Variants in SMARCB1 observed in about 807,000 individuals in gnomAD.
SMARCB1 encodes SWI/SNF-related matrix-associated actin-dependent regulator of chromatin subfamily B member 1.
Under a neutral mutation model 49.0 loss-of-function variants are expected in SMARCB1, and 5 were observed. That is an observed-to-expected ratio of 0.10 (90% CI 0.05 to 0.21). SMARCB1 has a LOEUF of 0.21. SMARCB1 is among the 10% of genes least tolerant of loss of function. The pLI, the probability that SMARCB1 is intolerant of heterozygous loss-of-function variation, is 1.00. For synonymous variants in SMARCB1, 201 were observed against 200.1 expected (o/e 1.00, Z -0.04); for missense variants, 226 against 509.2 (o/e 0.44, Z 5.35).
At chr22:23,833,426 C>T in intron 7 of SMARCB1, 146 bp from the exon 8 acceptor site, 1 of 1,147,618 alleles carries the variant, frequency 8.7e-7, no homozygotes, top group Non-Finnish European at 1.3e-6. Context: ...CCAGCAGCTC[C>T]CTTGAGGTTC....
rs35487027 is a variant in SMARCB1, at chr22:23,795,378, G to C, written c.362+1690G>C. Among the ~76,000 whole-genome samples the C allele has an allele frequency of 8.9e-3, 1,350 of 152,172 alleles. 15 individuals are homozygous for C. The highest frequency in any genetic ancestry group is 0.03 in the African/African-American group (1,244 of 41,536). The stretch of plus-strand genomic sequence containing the variant: ...TCTTAAAAAAAATAAAAAACAGGCC[G>C]GGCACGGTGGCTCACGCCTGTAATC... On this transcript the variant is annotated intron_variant, in intron 3 of 8. Transcript: ENST00000644036.
intron 7 of SMARCB1, chr22:23,825,729 C>G (rs73881834): frequency 4.8e-6 from 2 of 416,764 alleles, no homozygotes; most frequent in Admixed American, 7.7e-5. Flanking sequence ...TGTCCTGCCC[C>G]ACACCCTCTC....
chr22:23,787,920 CCTAAGGATGTTTAACCCTTAA>C (rs1928118835), intron 1 of SMARCB1, among the ~76,000 whole-genome samples: 1 of 152,194 alleles, frequency 6.6e-6, no homozygotes, highest in Admixed American at 6.5e-5. Flanking sequence ...GGGGAAAGAG[CCTAAGGATGTTTAACCCTTAA>C]CTAGAGTGGC....
intron 7 of SMARCB1, among the ~76,000 whole-genome samples, chr22:23,827,899 A>T (rs2030467318): frequency 6.6e-6 from 1 of 151,992 alleles, no homozygotes; most frequent in Non-Finnish European, 1.5e-5. Flanking sequence ...GTCCCCAGGG[A>T]GACCAGTGTC....
intron 5 of SMARCB1, 106 bp downstream of exon 5, chr22:23,803,528 C>T: frequency 3.0e-6 from 4 of 1,329,066 alleles, no homozygotes; most frequent in Non-Finnish European, 4.3e-6. Flanking sequence ...CTGGACCTGA[C>T]ACGCAGGACA....
rs1218587945 is a variant in SMARCB1, at chr22:23,836,484, C to T, written c.*2304C>T. On this transcript the variant is annotated 3_prime_UTR_variant, in exon 9 of 9. Coordinates refer to ENST00000644036, the MANE Select transcript of SMARCB1 (RefSeq NM_003073.5). ...TAGCAGAGGCCTATGGTGGGCAGGA[C>T]TTGCCCAAGGCCCTGGTGGGGCCAG... 3 of 1,003,784 alleles carry T rather than the reference C, an allele frequency of 3.0e-6. No homozygotes were observed. Among genetic ancestry groups the T allele is most frequent in the East Asian group, 1.0e-4 (1 of 10,046 alleles). The allele number at this position is 1,003,784 out of a possible 1,614,324, so 62.2% of individuals were successfully genotyped here. A position where few individuals can be genotyped will look rare whatever the true frequency, so the allele number is the denominator to read the frequency against.
Position 23,836,938 on chromosome 22 carries a change from T to G in SMARCB1, c.*2758T>G. On this transcript the variant is annotated 3_prime_UTR_variant, in exon 9 of 9. Transcript: ENST00000644036. Reference sequence around the variant, plus strand: ...GGAGGGGCAGGTAATTGGGGTCTTCTGCAGGGGCATCCAGGAGCAGCTTTC... The same window carrying G: ...GGAGGGGCAGGTAATTGGGGTCTTCGGCAGGGGCATCCAGGAGCAGCTTTC... 6.3e-7 allele frequency: 1 copy of G among 1,578,852 alleles called. No homozygotes were observed.
intron 5 of SMARCB1, among the ~76,000 whole-genome samples, chr22:23,807,108 T>C (rs1929543286): frequency 6.6e-6 from 1 of 152,090 alleles, no homozygotes; most frequent in Non-Finnish European, 1.5e-5. Context: ...CCAGAAAAGA[T>C]GAGTTGCCTA....
chr22:23,826,187 G>C (rs922439243), intron 7 of SMARCB1: 1 of 151,854 alleles, frequency 6.6e-6, no homozygotes, highest in Non-Finnish European at 1.5e-5. Flanking sequence ...GCGGAGCTGA[G>C]GTGGATCACC....
Position 23,826,538 on chromosome 22 carries a change from G to A in SMARCB1, c.986+1123G>A, listed in dbSNP as rs151337515. ...CTCTGTGTTGGGATGGGGTGGGGGT[G>A]CAGCAAGCATCCCTACATCAAAACA... On this transcript the variant is annotated intron_variant, in intron 7 of 8. Transcript: ENST00000644036. Among the ~76,000 whole-genome samples, 7 of 152,254 alleles carry A rather than the reference G, an allele frequency of 4.6e-5. No homozygotes were observed. The East Asian group carries it at 1.4e-3, about 29-fold the overall frequency.
chr22:23,814,558 G>A (rs35327905), intron 5 of SMARCB1, among the ~76,000 whole-genome samples: 6 of 151,766 alleles, frequency 4.0e-5, no homozygotes, highest in Non-Finnish European at 7.4e-5. Context: ...CCAGCTACTC[G>A]GGCGGGTGAG....
At chr22:23,807,106 G>A (rs2145989702) in intron 5 of SMARCB1, among the ~76,000 whole-genome samples, 1 of 151,264 alleles carries the variant, frequency 6.6e-6, no homozygotes, top group South Asian at 2.1e-4. Flanking sequence ...CTCCAGAAAA[G>A]ATGAGTTGCC....
intron 3 of SMARCB1, among the ~76,000 whole-genome samples, chr22:23,799,412 G>A (rs1272486761): frequency 6.6e-6 from 1 of 151,502 alleles, no homozygotes; most frequent in Non-Finnish European, 1.5e-5. Flanking sequence ...CTGAGTAGCT[G>A]GATTATAGAC....
At chr22:23,789,577 A>T (rs1928244467) in intron 1 of SMARCB1, among the ~76,000 whole-genome samples, 1 of 152,156 alleles carries the variant, frequency 6.6e-6, no homozygotes, top group African/African-American at 2.4e-5. Flanking sequence ...GGTCTCCAAG[A>T]TCTTCCCCAA....
chr22:23,815,223 G>T (rs4607038), intron 5 of SMARCB1: 139,613 of 152,196 alleles, frequency 0.92, 64,185 homozygotes, highest in Middle Eastern at 0.97. Context: ...AGAAAACAGT[G>T]TGGCAATTTC....
In SMARCB1 at chr22:23,837,037, G is replaced by A. The variant is rs573264892; in HGVS notation, c.*2857G>A. 4 of 1,612,740 alleles carry A rather than the reference G, an allele frequency of 2.5e-6. No homozygotes were observed. The highest frequency in any genetic ancestry group is 1.6e-4 in the Middle Eastern group (1 of 6,064). On this transcript the variant is annotated 3_prime_UTR_variant, in exon 9 of 9. Transcript: ENST00000644036. ...GTGGGGATCCTTCTGAGGGTGGGGAGAGGGAGGGAGGGCTCTCAACACTCA... is the reference window on the plus strand; with the variant it reads ...GTGGGGATCCTTCTGAGGGTGGGGAAAGGGAGGGAGGGCTCTCAACACTCA...
At chr22:23,805,165 G>A (rs1929417981) in intron 5 of SMARCB1, among the ~76,000 whole-genome samples, 1 of 152,206 alleles carries the variant, frequency 6.6e-6, no homozygotes, top group Non-Finnish European at 1.5e-5. Flanking sequence ...TGAGAAGAAG[G>A]CCTGAGAGCC....
intron 7 of SMARCB1, among the ~76,000 whole-genome samples, chr22:23,829,544 C>T (rs928863974): frequency 6.6e-6 from 1 of 152,200 alleles, no homozygotes; most frequent in Non-Finnish European, 1.5e-5. Flanking sequence ...GATGGCACAG[C>T]ATCAGGAATT....
chr22:23,817,144 A>C, intron 6 of SMARCB1: 1 of 608,806 alleles, frequency 1.6e-6, no homozygotes, highest in Non-Finnish European at 2.9e-6. Flanking sequence ...TATTCCGGAC[A>C]CATTCAGGGG....
Sources: allele counts gnomAD v4.1 joint callset (sites outside exome capture counted in the v4.1 genomes callset), GRCh38; gene constraint gnomAD v4.1.1; transcripts MANE v1.5; gene names NCBI Gene and HGNC (gene_info 2026-07-23, HGNC 2026-07-21).